The following CCDC7 variants were observed in gnomAD, a reference collection of about 807,000 sequenced individuals.
CCDC7 encodes coiled-coil domain-containing protein 7.
CCDC7 carries 183 observed loss-of-function variants against 196.9 expected under a neutral mutation model. The ratio of observed to expected loss-of-function variants is 0.93; its 90% CI spans 0.82 to 1.05. The LOEUF is 1.05. Among genes scored for constraint, CCDC7 ranks in the 50% least tolerant of loss-of-function variants. CCDC7 has a pLI of 0.00. For synonymous variants in CCDC7, 525 were observed against 484.6 expected (o/e 1.08, Z -1.10); for missense variants, 1,540 against 1,482.2 (o/e 1.04, Z -0.64).
chr10:32,858,231 T>C (rs999449776), intron 41 of CCDC7, among the ~76,000 whole-genome samples: 1 of 152,208 alleles, frequency 6.6e-6, no homozygotes, highest in Non-Finnish European at 1.5e-5. Context: ...AGAAGAATTA[T>C]CAGTGCTTCT....
intron 20 of CCDC7, among the ~76,000 whole-genome samples, chr10:32,650,699 T>C (rs1322542172): frequency 6.6e-6 from 1 of 151,986 alleles, no homozygotes; most frequent in African/African-American, 2.4e-5. Context: ...CAAGCACAAA[T>C]CTCAGCTCAA....
intron 28 of CCDC7, among the ~76,000 whole-genome samples, chr10:32,736,364 C>G (rs1160845500): frequency 6.6e-6 from 1 of 151,814 alleles, no homozygotes; most frequent in Non-Finnish European, 1.5e-5. Context: ...TTTAGTTTTC[C>G]TTTTTTTGTG....
At chr10:32,596,983 G>A (rs946827569) in intron 18 of CCDC7, among the ~76,000 whole-genome samples, 2 of 152,086 alleles carry the variant, frequency 1.3e-5, no homozygotes, top group African/African-American at 2.4e-5. Context: ...CAACGTTGGT[G>A]AATTTGACAA....
chr10:32,482,965 G>A (rs999034337), intron 8 of CCDC7, among the ~76,000 whole-genome samples: 1 of 152,170 alleles, frequency 6.6e-6, no homozygotes, highest in Non-Finnish European at 1.5e-5. Context: ...ACATACGTGT[G>A]CATGTGTCTT....
intron 9 of CCDC7, chr10:32,513,697 T>G (rs943628766): frequency 5.3e-5 from 8 of 152,180 alleles, no homozygotes; most frequent in African/African-American, 1.9e-4. Flanking sequence ...TGATTTAAAA[T>G]GCAGGTATCA....
intron 41 of CCDC7, 58 bp downstream of exon 42, chr10:32,854,547 C>T (rs2093679192): frequency 5.4e-6 from 6 of 1,115,292 alleles, no homozygotes; most frequent in South Asian, 2.8e-5. Context: ...ATATTCTCAT[C>T]GTCTCTATTT....
chr10:32,734,461 A>T (rs1174861152), intron 28 of CCDC7, among the ~76,000 whole-genome samples: 1 of 152,196 alleles, frequency 6.6e-6, no homozygotes, highest in Admixed American at 6.5e-5. Context: ...GAGAGAAGGG[A>T]GAGGAGCAGA....
chr10:32,563,201 TATC>T (rs944312531), intron 13 of CCDC7, among the ~76,000 whole-genome samples: 1 of 152,050 alleles, frequency 6.6e-6, no homozygotes, highest in African/African-American at 2.4e-5. Context: ...GAAGAATCAA[TATC>T]ATGAAAATGG....
chr10:32,856,194 G>C (rs2093747023), intron 41 of CCDC7, among the ~76,000 whole-genome samples: 1 of 152,030 alleles, frequency 6.6e-6, no homozygotes, highest in African/African-American at 2.4e-5. Context: ...CAAACACACT[G>C]TCCAAAAAAA....
At chr10:32,681,545 AGAG>A (rs2075848503) in intron 21 of CCDC7, among the ~76,000 whole-genome samples, 1 of 152,056 alleles carries the variant, frequency 6.6e-6, no homozygotes, top group Non-Finnish European at 1.5e-5. Context: ...GGCCAAGGGG[AGAG>A]GAGTTGATTC....
intron 14 of CCDC7, among the ~76,000 whole-genome samples, chr10:32,567,355 T>G (rs913568718): frequency 1.3e-5 from 2 of 151,926 alleles, no homozygotes; most frequent in African/African-American, 4.8e-5. Flanking sequence ...TCTATCAATT[T>G]TTATAATGTA....
At chr10:32,666,025 T>C (rs1404124922) in intron 21 of CCDC7, among the ~76,000 whole-genome samples, 2 of 151,988 alleles carry the variant, frequency 1.3e-5, no homozygotes, top group Admixed American at 6.6e-5. Flanking sequence ...GGAACACTAC[T>C]AATGTTTGTG....
At chr10:32,559,057 G>A (rs1452170009) in intron 13 of CCDC7, among the ~76,000 whole-genome samples, 8 of 152,212 alleles carry the variant, frequency 5.3e-5, no homozygotes, top group Non-Finnish European at 7.3e-5. Flanking sequence ...ACGGAGTCTC[G>A]CTGATTGCTA....
At position 32,700,036 on chromosome 10, in the gene CCDC7, T is replaced by G. The variant is rs1321497696; in HGVS notation, c.2458+5044T>G. Reference sequence around the variant, plus strand: ...TCACTCTGATGGTAGTTTCTTTTGCTGTGCAGAAGCTCTTCAGTTTAATTA... The same window carrying G: ...TCACTCTGATGGTAGTTTCTTTTGCGGTGCAGAAGCTCTTCAGTTTAATTA... On this transcript the variant is annotated intron_variant, in intron 24 of 41. Transcript: ENST00000639629. Among the ~76,000 whole-genome samples the G allele has an allele frequency of 1.3e-5, 2 of 149,488 alleles. 1 individual carries two copies. The highest frequency in any genetic ancestry group is 5.1e-5 in the African/African-American group (2 of 38,860).
At chr10:32,827,095 G>A (rs1237187112) in intron 32 of CCDC7, among the ~76,000 whole-genome samples, 7 of 152,232 alleles carry the variant, frequency 4.6e-5, no homozygotes, top group African/African-American at 1.7e-4. Context: ...TAATAATCAA[G>A]TGGATAGGAT....
chr10:32,757,979 CAAAT>C (rs1191552793), intron 28 of CCDC7, among the ~76,000 whole-genome samples: 1 of 152,114 alleles, frequency 6.6e-6, no homozygotes, highest in Non-Finnish European at 1.5e-5. Flanking sequence ...CATCTCTACA[CAAAT>C]AAACTAGAAA....
At chr10:32,506,727 C>G (rs2045217779) in intron 9 of CCDC7, among the ~76,000 whole-genome samples, 2 of 152,054 alleles carry the variant, frequency 1.3e-5, no homozygotes, top group African/African-American at 4.8e-5. Flanking sequence ...CGGTGTGTGC[C>G]TGGAATCCCA....
chr10:32,834,307 G>T (rs1442322545), intron 32 of CCDC7, among the ~76,000 whole-genome samples: 3 of 151,996 alleles, frequency 2.0e-5, no homozygotes, highest in Admixed American at 6.6e-5. Context: ...TCTCCCTGAT[G>T]GTTAACTTTC....
At chr10:32,626,264 G>A (rs992971410) in intron 18 of CCDC7, among the ~76,000 whole-genome samples, 8 of 151,976 alleles carry the variant, frequency 5.3e-5, no homozygotes, top group African/African-American at 9.7e-5. Context: ...CATTCTGACC[G>A]ATGTGAGGTG....
Sources: allele counts gnomAD v4.1 joint callset (sites outside exome capture counted in the v4.1 genomes callset), GRCh38; gene constraint gnomAD v4.1.1; transcripts MANE v1.5; gene names NCBI Gene and HGNC (gene_info 2026-07-23, HGNC 2026-07-21).